The following GPC5 variants were observed in gnomAD, a reference collection of about 807,000 sequenced individuals.
The protein encoded by GPC5 is glypican-5.
GPC5 carries 47 observed loss-of-function variants against 53.9 expected under a neutral mutation model. The observed-to-expected ratio is 0.87, with a 90% CI of 0.69 to 1.11. The LOEUF is 1.11. Among genes scored for constraint, GPC5 ranks in the 50% most tolerant of loss-of-function variants. The pLI, the probability that GPC5 is intolerant of heterozygous loss-of-function variation, is 0.00. For missense variants in GPC5, 748 were observed against 713.1 expected (o/e 1.05, Z -0.56); for synonymous variants, 286 against 263.3 (o/e 1.09, Z -0.84).
intron 6 of GPC5, among the ~76,000 whole-genome samples, chr13:92,125,722 G>C (rs1480875661): frequency 6.6e-6 from 1 of 152,046 alleles, no homozygotes; most frequent in Non-Finnish European, 1.5e-5. Context: ...AAGACACTAT[G>C]TTATCTGTAC....
intron 3 of GPC5, among the ~76,000 whole-genome samples, chr13:91,700,143 GTGTGGGC>G (rs2035963245): frequency 6.6e-6 from 1 of 152,080 alleles, no homozygotes; most frequent in Non-Finnish European, 1.5e-5. Context: ...ACCCCTGCAT[GTGTGGGC>G]TGTGCTAGTG....
At chr13:91,888,288 A>G (rs2039347732) in intron 5 of GPC5, among the ~76,000 whole-genome samples, 1 of 152,172 alleles carries the variant, frequency 6.6e-6, no homozygotes, top group Non-Finnish European at 1.5e-5. Flanking sequence ...CCATGATTCA[A>G]TTACCTCCTA....
intron 2 of GPC5, 116 bp downstream of exon 2, chr13:91,449,038 G>A (rs1472449811): frequency 8.6e-7 from 1 of 1,163,422 alleles, no homozygotes; most frequent in Non-Finnish European, 1.2e-6. Context: ...TAATATTCGG[G>A]TATAAAATGA....
rs542850983 is a variant in GPC5, at chr13:91,511,502, A to G, written c.325+62580A>G. Among the ~76,000 whole-genome samples, 3 of 152,128 alleles carry G rather than the reference A, an allele frequency of 2.0e-5. No homozygotes were observed. In the East Asian group the frequency reaches 5.8e-4, roughly 29 times the overall value. ...AATTACAAGTGTTTTACTGTTTAAC[A>G]ATGTCTCACAAACCTCAGGCTTTGC... On this transcript the variant is annotated intron_variant, in intron 2 of 7. Transcript: ENST00000377067.
chr13:91,878,407 T>C (rs927376258), intron 5 of GPC5, among the ~76,000 whole-genome samples: 2 of 152,308 alleles, frequency 1.3e-5, no homozygotes, highest in Admixed American at 6.5e-5. Flanking sequence ...TGCCTAACCA[T>C]TGGTGATATG....
intron 5 of GPC5, among the ~76,000 whole-genome samples, chr13:91,844,963 T>C (rs2038831826): frequency 6.6e-6 from 1 of 152,196 alleles, no homozygotes; most frequent in South Asian, 2.1e-4. Flanking sequence ...GAAACCCATG[T>C]CTTTTAATAT....
intron 7 of GPC5, among the ~76,000 whole-genome samples, chr13:92,360,721 AG>A (rs2043559071): frequency 6.6e-6 from 1 of 151,768 alleles, no homozygotes; most frequent in South Asian, 2.1e-4. Flanking sequence ...TTCTATATCT[AG>A]AAAACCCCAT....
chr13:92,330,270 C>T (rs564579311), intron 7 of GPC5, among the ~76,000 whole-genome samples: 4 of 152,198 alleles, frequency 2.6e-5, no homozygotes, highest in East Asian at 1.9e-4. Context: ...TGCCAGTGGT[C>T]GAGTTCTGTT....
intron 5 of GPC5, among the ~76,000 whole-genome samples, chr13:91,762,650 C>T (rs1016399735): frequency 2.6e-5 from 4 of 151,124 alleles, no homozygotes; most frequent in Non-Finnish European, 4.4e-5. Flanking sequence ...TTTGTCTATA[C>T]CTTCCTAATA....
At chr13:92,003,046 C>A (rs2040569978) in intron 6 of GPC5, among the ~76,000 whole-genome samples, 2 of 152,146 alleles carry the variant, frequency 1.3e-5, no homozygotes. Flanking sequence ...CACAGTGGCT[C>A]ACTCCTATAA....
chr13:91,910,967 G>A (rs1013289784), intron 6 of GPC5, among the ~76,000 whole-genome samples: 1 of 152,046 alleles, frequency 6.6e-6, no homozygotes, highest in African/African-American at 2.4e-5. Flanking sequence ...ATGTGCTGGT[G>A]GAGGCCACTC....
At chr13:92,093,622 T>C (rs2041398478) in intron 6 of GPC5, among the ~76,000 whole-genome samples, 1 of 152,344 alleles carries the variant, frequency 6.6e-6, no homozygotes, top group East Asian at 1.9e-4. Flanking sequence ...TTTTTAATAC[T>C]TCTAATGTAC....
At chr13:92,750,636 C>T (rs1327773136) in intron 7 of GPC5, among the ~76,000 whole-genome samples, 1 of 152,164 alleles carries the variant, frequency 6.6e-6, no homozygotes, top group Non-Finnish European at 1.5e-5. Context: ...ATTGAATGCC[C>T]TACTCCTGGT....
At chr13:91,570,879 T>G (rs1327622404) in intron 2 of GPC5, among the ~76,000 whole-genome samples, 2 of 152,188 alleles carry the variant, frequency 1.3e-5, no homozygotes, top group Admixed American at 6.6e-5. Context: ...AAGTCAAGTT[T>G]CTTAGTCAAA....
chr13:92,323,473 A>G (rs895783600), intron 7 of GPC5, among the ~76,000 whole-genome samples: 1 of 151,628 alleles, frequency 6.6e-6, no homozygotes, highest in African/African-American at 2.4e-5. Context: ...AGGAAAAAAT[A>G]TTTAAAAGAG....
intron 6 of GPC5, among the ~76,000 whole-genome samples, chr13:92,079,561 C>A (rs1354573013): frequency 6.6e-6 from 1 of 152,180 alleles, no homozygotes; most frequent in Non-Finnish European, 1.5e-5. Context: ...TGGATTAACT[C>A]AGTGTCTGCC....
At chr13:91,663,041 A>G (rs55914767) in intron 2 of GPC5, among the ~76,000 whole-genome samples, 13,799 of 152,212 alleles carry the variant, frequency 0.091, 2,052 homozygotes, top group African/African-American at 0.31. Context: ...CTCACTTACA[A>G]TGTCTAAGAG....
rs923319644 is a variant in GPC5, at chr13:92,386,208, TTAA to T, written c.1561+241221_1561+241223del. On this transcript the variant is annotated intron_variant, in intron 7 of 7. Transcript: ENST00000377067. ...TTTTAAACTCATGATGGAGAATTTG[TTAA>T]TGTGAGCTTCAGGCAATTTGCTGTT... Among the ~76,000 whole-genome samples the T allele has an allele frequency of 1.2e-4, 18 of 152,144 alleles. 1 individual carries two copies. In the Middle Eastern group the frequency reaches 0.01, roughly 86 times the overall value.
intron 6 of GPC5, among the ~76,000 whole-genome samples, chr13:91,924,689 C>T (rs112629441): frequency 1.3e-5 from 2 of 151,812 alleles, no homozygotes; most frequent in East Asian, 1.9e-4. Context: ...TGTGGTGAGC[C>T]GTGATTATGC....
Sources: allele counts gnomAD v4.1 joint callset (sites outside exome capture counted in the v4.1 genomes callset), GRCh38; gene constraint gnomAD v4.1.1; transcripts MANE v1.5; gene names NCBI Gene and HGNC (gene_info 2026-07-23, HGNC 2026-07-21).